GRIA2: variants seen among roughly 807,000 people sequenced by gnomAD.
The protein encoded by GRIA2 is glutamate ionotropic receptor AMPA type subunit 2.
In GRIA2, 14 loss-of-function variants were observed where a neutral mutation model predicts 97.3. That is an observed-to-expected ratio of 0.14 (90% CI 0.10 to 0.23). The LOEUF (loss-of-function observed/expected upper bound fraction) is 0.23, where lower values mean the gene tolerates loss of function less well. GRIA2 is among the 10% of genes least tolerant of loss of function. The pLI is 1.00. For synonymous variants in GRIA2, 412 were observed against 387.8 expected (o/e 1.06, Z -0.73); for missense variants, 558 against 1,069.8 (o/e 0.52, Z 6.67).
At chr4:157,221,904 CTG>C in intron 2 of GRIA2, 97 bp downstream of exon 2, 1 of 1,139,014 alleles carries the variant, frequency 8.8e-7, no homozygotes, top group Non-Finnish European at 1.3e-6. Context: ...GTGTGCGTTT[CTG>C]TGTGTCAGTG....
intron 2 of GRIA2, among the ~76,000 whole-genome samples, chr4:157,258,363 G>GA (rs1437263095): frequency 2.0e-5 from 3 of 151,998 alleles, no homozygotes; most frequent in African/African-American, 4.8e-5. Context: ...CCACTCTGGG[G>GA]ACGTCTGTCT....
intron 2 of GRIA2, among the ~76,000 whole-genome samples, chr4:157,291,864 A>T (rs1001608265): frequency 3.9e-5 from 6 of 152,126 alleles, no homozygotes; most frequent in Middle Eastern, 6.8e-3. Context: ...TAAGATCACT[A>T]GATATAAAAT....
chr4:157,315,617 A>G (rs1281913171), intron 4 of GRIA2, among the ~76,000 whole-genome samples: 1 of 152,040 alleles, frequency 6.6e-6, no homozygotes, highest in African/African-American at 2.4e-5. Context: ...ATCTCAGGTC[A>G]CTGCAACCTT....
intron 2 of GRIA2, among the ~76,000 whole-genome samples, chr4:157,283,841 A>G (rs1354254394): frequency 6.6e-6 from 1 of 151,866 alleles, no homozygotes; most frequent in Non-Finnish European, 1.5e-5. Flanking sequence ...TTATTTTATT[A>G]CCTTGTGATT....
intron 2 of GRIA2, among the ~76,000 whole-genome samples, chr4:157,239,845 A>G (rs1160985736): frequency 6.6e-6 from 1 of 151,936 alleles, no homozygotes; most frequent in Non-Finnish European, 1.5e-5. Flanking sequence ...TTTCCTGTAT[A>G]CTTGAAATTT....
chr4:157,236,003 T>G (rs1730229041), intron 2 of GRIA2, among the ~76,000 whole-genome samples: 1 of 152,016 alleles, frequency 6.6e-6, no homozygotes, highest in Admixed American at 6.6e-5. Context: ...AAAACAGATT[T>G]TATATAATTT....
At chr4:157,236,468 A>G (rs1233965132) in intron 2 of GRIA2, among the ~76,000 whole-genome samples, 3 of 151,828 alleles carry the variant, frequency 2.0e-5, no homozygotes, top group African/African-American at 4.8e-5. Context: ...TAGTTATTGC[A>G]TGGTATTCTG....
chr4:157,287,038 T>C (rs1732877891), intron 2 of GRIA2, among the ~76,000 whole-genome samples: 1 of 151,592 alleles, frequency 6.6e-6, no homozygotes, highest in African/African-American at 2.4e-5. Flanking sequence ...TCTCCTATTC[T>C]CTATTCTGTC....
At chr4:157,286,037 C>T (rs1368997989) in intron 2 of GRIA2, among the ~76,000 whole-genome samples, 1 of 151,582 alleles carries the variant, frequency 6.6e-6, no homozygotes, top group African/African-American at 2.4e-5. Context: ...GAAATTAAAA[C>T]AAGAATAGCT....
At chr4:157,329,423 G>A (rs1734950970) in intron 6 of GRIA2, among the ~76,000 whole-genome samples, 1 of 151,816 alleles carries the variant, frequency 6.6e-6, no homozygotes, top group Non-Finnish European at 1.5e-5. Context: ...ACATTCCGAA[G>A]TATGTTACAT....
intron 2 of GRIA2, among the ~76,000 whole-genome samples, chr4:157,256,403 A>G (rs1267427778): frequency 6.7e-6 from 1 of 149,490 alleles, no homozygotes; most frequent in Non-Finnish European, 1.5e-5. Flanking sequence ...GCATGTATTC[A>G]TGGTAAACAT....
At chr4:157,316,233 T>A (rs763529648) in intron 4 of GRIA2, among the ~76,000 whole-genome samples, 3 of 152,140 alleles carry the variant, frequency 2.0e-5, no homozygotes, top group Non-Finnish European at 2.9e-5. Flanking sequence ...AATTTATATG[T>A]TTTTCATTCA....
intron 2 of GRIA2, among the ~76,000 whole-genome samples, chr4:157,265,237 C>T (rs1260015785): frequency 6.6e-6 from 1 of 152,132 alleles, no homozygotes; most frequent in East Asian, 1.9e-4. Flanking sequence ...GTTTCTATCT[C>T]TGTGAGTTGA....
intron 8 of GRIA2, 40 bp downstream of exon 8, chr4:157,333,393 G>A: frequency 1.9e-6 from 2 of 1,048,784 alleles, no homozygotes; most frequent in Non-Finnish European, 2.9e-6. Flanking sequence ...TATGTGAGGA[G>A]GTGAGTTAGC....
intron 2 of GRIA2, among the ~76,000 whole-genome samples, chr4:157,247,834 G>A (rs1045735404): frequency 6.6e-6 from 1 of 152,076 alleles, no homozygotes; most frequent in African/African-American, 2.4e-5. Flanking sequence ...AGTGAGGCAG[G>A]TGCAGGCAGA....
chr4:157,264,968 A>C (rs1326904883), intron 2 of GRIA2, among the ~76,000 whole-genome samples: 1 of 152,086 alleles, frequency 6.6e-6, no homozygotes. Context: ...AAACTGAGAC[A>C]CAGAGAGTTT....
At chr4:157,234,992 CTT>C (rs138075311) in intron 2 of GRIA2, among the ~76,000 whole-genome samples, 2 of 152,146 alleles carry the variant, frequency 1.3e-5, no homozygotes, top group East Asian at 1.9e-4. Flanking sequence ...TGAATTGACT[CTT>C]ATTCTTCTTA....
intron 6 of GRIA2, among the ~76,000 whole-genome samples, chr4:157,332,045 A>T (rs935063178): frequency 6.6e-6 from 1 of 152,044 alleles, no homozygotes; most frequent in Non-Finnish European, 1.5e-5. Context: ...AAATGTAGTT[A>T]ATCATTAACT....
intron 3 of GRIA2, among the ~76,000 whole-genome samples, chr4:157,308,028 G>T (rs1023096932): frequency 1.3e-5 from 2 of 152,200 alleles, no homozygotes; most frequent in African/African-American, 4.8e-5. Context: ...ATGGAGCAAA[G>T]AAAATATTTT....
Sources: allele counts gnomAD v4.1 joint callset (sites outside exome capture counted in the v4.1 genomes callset), GRCh38; gene constraint gnomAD v4.1.1; transcripts MANE v1.5; gene names NCBI Gene and HGNC (gene_info 2026-07-23, HGNC 2026-07-21).